The following MAP2 variants were observed in gnomAD, a reference collection of about 807,000 sequenced individuals.
MAP2 encodes the protein microtubule associated protein 2.
In MAP2, 14 loss-of-function variants were observed where a neutral mutation model predicts 137.6. That is an observed-to-expected ratio of 0.10 (90% CI 0.07 to 0.16). The LOEUF (loss-of-function observed/expected upper bound fraction) is 0.16. Among genes scored for constraint, MAP2 ranks in the 10% least tolerant of loss-of-function variants. The pLI, the probability that MAP2 is intolerant of heterozygous loss-of-function variation, is 1.00. For synonymous variants in MAP2, 786 were observed against 782.3 expected, an observed-to-expected ratio of 1.00 and a Z score of -0.08; for missense variants, 2,088 against 2,191.5, an observed-to-expected ratio of 0.95 and a Z score of 0.94.
At chr2:209,566,933 A>G (rs1457007946) in intron 2 of MAP2, among the ~76,000 whole-genome samples, 1 of 152,200 alleles carries the variant, frequency 6.6e-6, no homozygotes, top group Non-Finnish European at 1.5e-5. Flanking sequence ...TAAGAAAATT[A>G]GAAGCATCCC....
intron 1 of MAP2, among the ~76,000 whole-genome samples, chr2:209,462,055 A>G (rs1429911593): frequency 2.0e-5 from 3 of 152,126 alleles, no homozygotes; most frequent in Non-Finnish European, 4.4e-5. Context: ...ACTTATCAAA[A>G]CTGTATTTTA....
At chr2:209,574,014 T>C (rs1008017964) in intron 2 of MAP2, among the ~76,000 whole-genome samples, 1 of 149,638 alleles carries the variant, frequency 6.7e-6, no homozygotes, top group Non-Finnish European at 1.5e-5. Context: ...TTTAAAAGTT[T>C]TATTATTAAT....
chr2:209,532,144 A>T (rs2065204365), intron 2 of MAP2, among the ~76,000 whole-genome samples: 1 of 151,262 alleles, frequency 6.6e-6, no homozygotes, highest in African/African-American at 2.4e-5. Context: ...AGGCTGAAGC[A>T]GGAGGATCAC....
intron 2 of MAP2, among the ~76,000 whole-genome samples, chr2:209,532,811 T>C (rs1025456054): frequency 6.6e-6 from 1 of 152,116 alleles, no homozygotes; most frequent in Admixed American, 6.5e-5. Flanking sequence ...ATTTAATTGG[T>C]TGATTATTTT....
At chr2:209,658,422 CTA>C (rs1160118268) in intron 5 of MAP2, among the ~76,000 whole-genome samples, 5 of 151,274 alleles carry the variant, frequency 3.3e-5, no homozygotes, top group Non-Finnish European at 4.4e-5. Context: ...AGTGGTGGTT[CTA>C]TGTTTCTGAC....
chr2:209,446,973 C>A (rs1481346697), intron 1 of MAP2, among the ~76,000 whole-genome samples: 2 of 151,938 alleles, frequency 1.3e-5, no homozygotes, highest in Admixed American at 6.6e-5. Flanking sequence ...AATGTAGGTA[C>A]TTCAAGATTA....
At chr2:209,570,830 C>G (rs569140549) in intron 2 of MAP2, among the ~76,000 whole-genome samples, 103 of 151,938 alleles carry the variant, frequency 6.8e-4, no homozygotes, top group Admixed American at 1.2e-3. Context: ...CGATAGGCCT[C>G]AATGGGTAAT....
At chr2:209,704,417 T>A (rs55888621) in intron 11 of MAP2, 1 of 1,578,922 alleles carries the variant, frequency 6.3e-7, no homozygotes, top group African/African-American at 1.4e-5. Context: ...TTTGGTTTAT[T>A]TTGTGCTTTT....
At chr2:209,455,213 CA>C (rs1701261465) in intron 1 of MAP2, among the ~76,000 whole-genome samples, 2 of 152,124 alleles carry the variant, frequency 1.3e-5, no homozygotes, top group Non-Finnish European at 1.5e-5. Context: ...TTTCCTTATA[CA>C]ATCTTATTAA....
At chr2:209,533,811 A>C (rs892431235) in intron 2 of MAP2, among the ~76,000 whole-genome samples, 12 of 152,190 alleles carry the variant, frequency 7.9e-5, no homozygotes, top group African/African-American at 2.7e-4. Context: ...GAGGTGCTTG[A>C]AGATCAAAAC....
chr2:209,660,416 T>TG (rs1559501458), intron 5 of MAP2, among the ~76,000 whole-genome samples: 1 of 119,892 alleles, frequency 8.3e-6, no homozygotes, highest in Non-Finnish European at 1.7e-5. Context: ...TTTTTTGAGA[T>TG]GGAGTCTCGC....
At chr2:209,630,507 A>G (rs576383586) in intron 4 of MAP2, among the ~76,000 whole-genome samples, 12 of 152,294 alleles carry the variant, frequency 7.9e-5, no homozygotes, top group African/African-American at 2.6e-4. Flanking sequence ...GGTGGTGCAT[A>G]TATAGTTGCC....
intron 4 of MAP2, among the ~76,000 whole-genome samples, chr2:209,640,725 G>A (rs549592645): frequency 3.0e-4 from 46 of 152,088 alleles, no homozygotes; most frequent in South Asian, 1.2e-3. Context: ...AAAGAGAAGG[G>A]CACACAACAA....
Position 209,696,304 on chromosome 2 carries a change from T to C in MAP2, c.4134T>C (p.Ile1378=), listed in dbSNP as rs1243165342. The change falls in exon 8 of 16, where the codon ATT becomes ATC. Residue 1378 remains isoleucine (I), a synonymous_variant. Coordinates refer to ENST00000682079, the MANE Select transcript of MAP2 (RefSeq NM_001375505.1). The part of the protein sequence containing the change: ...TYDDYKDETT[I]DDSIMDADSL... Reference sequence around the variant, plus strand: ...ACGATTACAAAGATGAGACCACCATTGACGACTCCATCATGGACGCTGACA... The same window carrying C: ...ACGATTACAAAGATGAGACCACCATCGACGACTCCATCATGGACGCTGACA... 6.3e-7 allele frequency: 1 copy of C among 1,588,300 alleles called. No individual in the cohort carries two copies. The highest frequency in any genetic ancestry group is 8.5e-7 in the Non-Finnish European group (1 of 1,171,884).
intron 13 of MAP2, among the ~76,000 whole-genome samples, chr2:209,719,255 C>G (rs534809738): frequency 7.2e-5 from 11 of 152,224 alleles, no homozygotes; most frequent in African/African-American, 2.6e-4. Context: ...AGGTTCGTAC[C>G]TAATGGATGC....
At chr2:209,672,368 A>G (rs567172208) in intron 5 of MAP2, among the ~76,000 whole-genome samples, 1 of 152,034 alleles carries the variant, frequency 6.6e-6, no homozygotes, top group East Asian at 1.9e-4. Flanking sequence ...CATTTTGTCA[A>G]TCAAATTATG....
At chr2:209,702,502 A>G (rs1164338481) in intron 11 of MAP2, among the ~76,000 whole-genome samples, 1 of 151,740 alleles carries the variant, frequency 6.6e-6, no homozygotes. Flanking sequence ...TTTTTAACTT[A>G]AAAATTTTTT....
intron 1 of MAP2, among the ~76,000 whole-genome samples, chr2:209,432,730 A>G (rs1694646452): frequency 6.6e-6 from 1 of 152,118 alleles, no homozygotes; most frequent in Admixed American, 6.6e-5. Context: ...TATAATTTCC[A>G]TATACATTGA....
chr2:209,583,311 T>A (rs1203584775), intron 3 of MAP2, among the ~76,000 whole-genome samples: 1 of 152,144 alleles, frequency 6.6e-6, no homozygotes, highest in Non-Finnish European at 1.5e-5. Flanking sequence ...TCTTCAAGGA[T>A]GAATGTCAAA....
Sources: allele counts gnomAD v4.1 joint callset (sites outside exome capture counted in the v4.1 genomes callset), GRCh38; gene constraint gnomAD v4.1.1; transcripts MANE v1.5; gene names NCBI Gene and HGNC (gene_info 2026-07-23, HGNC 2026-07-21).